The following CTNNA3 variants were observed in gnomAD, a reference collection of about 807,000 sequenced individuals.
CTNNA3 encodes catenin alpha 3.
In CTNNA3, 76 loss-of-function variants were observed where a neutral mutation model predicts 95.7. The ratio of observed to expected loss-of-function variants is 0.79; its 90% CI spans 0.66 to 0.96. The LOEUF (loss-of-function observed/expected upper bound fraction) is 0.96, where lower values mean the gene tolerates loss of function less well. CTNNA3 is among the 40% of genes least tolerant of loss of function. The probability of loss-of-function intolerance (pLI) is 0.00; values close to 1 mark genes in which losing one functional copy is unlikely to be tolerated. For missense variants in CTNNA3, 1,191 were observed against 1,089.8 expected, an observed-to-expected ratio of 1.09 and a Z score of -1.31; for synonymous variants, 431 against 374.4, an observed-to-expected ratio of 1.15 and a Z score of -1.74.
rs932852419 is a variant in CTNNA3, at chr10:67,066,082, T to A, written c.1047+114235A>T. Among the ~76,000 whole-genome samples, 4 of 152,124 alleles carry A rather than the reference T, an allele frequency of 2.6e-5. No individual in the cohort carries two copies. The East Asian group carries it at 7.7e-4, about 29-fold the overall frequency. On this transcript the variant is annotated intron_variant, in intron 7 of 17. Transcript: ENST00000433211. The stretch of plus-strand genomic sequence containing the variant: ...TTAGGGTCTGTGTGAAACTTTTAGT[T>A]CTCTCAATCATCTGGGGATCATGAG...
intron 7 of CTNNA3, among the ~76,000 whole-genome samples, chr10:66,898,847 G>C (rs1301763709): frequency 6.6e-6 from 1 of 152,138 alleles, no homozygotes. Context: ...TGCAACAAAA[G>C]CAAAATTAGA....
chr10:66,786,263 G>GT (rs960994792), intron 7 of CTNNA3, among the ~76,000 whole-genome samples: 17 of 150,982 alleles, frequency 1.1e-4, no homozygotes, highest in African/African-American at 2.4e-4. Flanking sequence ...TTGGGGCACT[G>GT]TTTTTTTTTC....
At chr10:67,701,169 G>A (rs772610385), upstream of CTNNA3, among the ~76,000 whole-genome samples, 87 of 152,152 alleles carry the variant, frequency 5.7e-4, no homozygotes, top group Non-Finnish European at 1.2e-3. Flanking sequence ...TGAAAGTGAT[G>A]GGCAGAATGG....
intron 5 of CTNNA3, among the ~76,000 whole-genome samples, chr10:67,438,853 G>A (rs1010888078): frequency 6.6e-6 from 1 of 152,152 alleles, no homozygotes; most frequent in African/African-American, 2.4e-5. Flanking sequence ...GCCCAAAAAG[G>A]GAACATTTGG....
At chr10:66,153,893 T>C (rs1188739554) in intron 13 of CTNNA3, among the ~76,000 whole-genome samples, 1 of 149,668 alleles carries the variant, frequency 6.7e-6, no homozygotes, top group Admixed American at 6.6e-5. Flanking sequence ...CTATATAATA[T>C]AAATTATACA....
At chr10:67,125,632 A>G (rs1018686494) in intron 7 of CTNNA3, among the ~76,000 whole-genome samples, 7 of 152,214 alleles carry the variant, frequency 4.6e-5, no homozygotes, top group African/African-American at 1.7e-4. Flanking sequence ...TGAAGAGAAT[A>G]GAATCTACAG....
At chr10:66,183,856 T>C (rs762007915) in intron 13 of CTNNA3, among the ~76,000 whole-genome samples, 2 of 152,220 alleles carry the variant, frequency 1.3e-5, no homozygotes, top group African/African-American at 2.4e-5. Flanking sequence ...GAAAAGCCTA[T>C]TCAATTTTTT....
chr10:66,451,495 A>C (rs896158381), intron 11 of CTNNA3, among the ~76,000 whole-genome samples: 2 of 152,162 alleles, frequency 1.3e-5, no homozygotes, highest in African/African-American at 4.8e-5. Flanking sequence ...ATGCTATATA[A>C]AAATGGTCTA....
chr10:65,946,617 C>G (rs574155232), intron 17 of CTNNA3, among the ~76,000 whole-genome samples: 1 of 152,126 alleles, frequency 6.6e-6, no homozygotes, highest in African/African-American at 2.4e-5. Flanking sequence ...TTTTCTCTCT[C>G]CATCTAACCA....
At chr10:66,647,528 T>G (rs1845748673) in intron 9 of CTNNA3, among the ~76,000 whole-genome samples, 1 of 144,490 alleles carries the variant, frequency 6.9e-6, no homozygotes. Context: ...TTTTTTTTCT[T>G]GAGACAGAGT....
intron 5 of CTNNA3, among the ~76,000 whole-genome samples, chr10:67,363,788 T>G (rs80290862): frequency 0.018 from 2,712 of 152,248 alleles, 85 homozygotes; most frequent in African/African-American, 0.06. Flanking sequence ...AAGTTGAATC[T>G]CTGACTACAC....
chr10:66,452,428 G>A (rs1275864433), intron 11 of CTNNA3, among the ~76,000 whole-genome samples: 4 of 152,092 alleles, frequency 2.6e-5, no homozygotes, highest in Non-Finnish European at 5.9e-5. Flanking sequence ...TCTGACCTAA[G>A]TGACTCCATC....
intron 13 of CTNNA3, among the ~76,000 whole-genome samples, chr10:66,200,831 T>C (rs556442834): frequency 2.6e-4 from 39 of 152,330 alleles, no homozygotes; most frequent in Admixed American, 5.2e-4. Context: ...ATAAGGCAAA[T>C]TGCTTTAGGT....
intron 10 of CTNNA3, among the ~76,000 whole-genome samples, chr10:66,604,672 G>A (rs899098306): frequency 2.0e-5 from 3 of 151,756 alleles, no homozygotes; most frequent in Non-Finnish European, 2.9e-5. Context: ...ACAGCACCCA[G>A]TACAGGAGCT....
intron 7 of CTNNA3, among the ~76,000 whole-genome samples, chr10:66,977,320 C>T (rs916856060): frequency 6.6e-6 from 1 of 151,940 alleles, no homozygotes; most frequent in Non-Finnish European, 1.5e-5. Context: ...CCTGTAGTCC[C>T]AGCTACTCAG....
chr10:67,670,630 A>G (rs983999849), intron 1 of CTNNA3, among the ~76,000 whole-genome samples: 23 of 152,168 alleles, frequency 1.5e-4, no homozygotes, highest in African/African-American at 5.1e-4. Flanking sequence ...ACACATCCCA[A>G]GCCAATCCAC....
At chr10:66,931,641 T>C (rs998143830) in intron 7 of CTNNA3, among the ~76,000 whole-genome samples, 1 of 152,190 alleles carries the variant, frequency 6.6e-6, no homozygotes, top group Non-Finnish European at 1.5e-5. Flanking sequence ...CAACATGTTT[T>C]TTGACTAGTA....
intron 12 of CTNNA3, among the ~76,000 whole-genome samples, chr10:66,327,700 A>AT (rs1258723014): frequency 3.3e-5 from 5 of 151,920 alleles, no homozygotes; most frequent in East Asian, 1.9e-4. Flanking sequence ...GATTATTAAA[A>AT]TTTTTTCCAT....
chr10:67,208,917 A>G (rs543303257), intron 6 of CTNNA3, among the ~76,000 whole-genome samples: 1 of 152,322 alleles, frequency 6.6e-6, no homozygotes, highest in East Asian at 1.9e-4. Flanking sequence ...TACCAGACAA[A>G]TTGAATCAGA....
Sources: allele counts gnomAD v4.1 joint callset (sites outside exome capture counted in the v4.1 genomes callset), GRCh38; gene constraint gnomAD v4.1.1; transcripts MANE v1.5; gene names NCBI Gene and HGNC (gene_info 2026-07-23, HGNC 2026-07-21).